The following ZNG1E variants were observed in gnomAD, a reference collection of about 807,000 sequenced individuals.
ZNG1E encodes Zn regulated GTPase metalloprotein activator 1E.
chr9:65,667,487 C>T, the ZNG1E span, among the ~76,000 whole-genome samples: 1,089 of 151,642 alleles, frequency 7.2e-3, no homozygotes, highest in African/African-American at 0.025. Context: ...CGAAGCTAAC[C>T]AGTCTAAAAT....
the ZNG1E span, among the ~76,000 whole-genome samples, chr9:65,659,459 C>T: frequency 3.3e-5 from 5 of 149,686 alleles, no homozygotes; most frequent in Admixed American, 1.3e-4. Context: ...CATGCCACTG[C>T]ACTCCATCCT....
chr9:65,718,918 T>C, the ZNG1E span, among the ~76,000 whole-genome samples: 1 of 52,700 alleles, frequency 1.9e-5, no homozygotes, highest in Non-Finnish European at 3.8e-5. Context: ...ATTCTGAGAC[T>C]TATGGGAACT....
chr9:65,686,480 C>T, the ZNG1E span, among the ~76,000 whole-genome samples: 1 of 152,312 alleles, frequency 6.6e-6, no homozygotes, highest in Non-Finnish European at 1.5e-5. Flanking sequence ...ACTAAAAATA[C>T]CAAAAATTAG....
the ZNG1E span, among the ~76,000 whole-genome samples, chr9:65,661,939 A>G: frequency 6.6e-6 from 1 of 152,276 alleles, no homozygotes; most frequent in Non-Finnish European, 1.5e-5. Flanking sequence ...AGAATAATGG[A>G]TGATCAACTG....
chr9:65,661,446 T>C, the ZNG1E span, among the ~76,000 whole-genome samples: 4 of 152,066 alleles, frequency 2.6e-5, no homozygotes. Flanking sequence ...GAGAAAGAAT[T>C]TAATTGGAAT....
chr9:65,684,540 A>G, the ZNG1E span, among the ~76,000 whole-genome samples: 21 of 141,810 alleles, frequency 1.5e-4, no homozygotes, highest in South Asian at 4.6e-4. Flanking sequence ...GTATACACAC[A>G]CACACGCACG....
chr9:65,727,370 A>T, the ZNG1E span, among the ~76,000 whole-genome samples: 1 of 146,184 alleles, frequency 6.8e-6, no homozygotes, highest in Non-Finnish European at 1.5e-5. Flanking sequence ...GGCAACAAAT[A>T]GCATGATGAA....
chr9:65,681,370 C>T, the ZNG1E span, among the ~76,000 whole-genome samples: 1 of 152,262 alleles, frequency 6.6e-6, no homozygotes, highest in East Asian at 1.9e-4. Context: ...TGTCTTTTTT[C>T]AGGGCTTAAG....
chr9:65,666,472 C>A, the ZNG1E span, among the ~76,000 whole-genome samples: 47,991 of 121,394 alleles, frequency 0.4, 4,172 homozygotes, highest in Middle Eastern at 0.53. Flanking sequence ...AATTGCCCAG[C>A]AATGTGAAAA....
At chr9:65,721,122 G>A in the ZNG1E span, among the ~76,000 whole-genome samples, 1 of 147,230 alleles carries the variant, frequency 6.8e-6, no homozygotes, top group East Asian at 1.9e-4. Context: ...CACTTACCAT[G>A]AACATTTGGA....
the ZNG1E span, among the ~76,000 whole-genome samples, chr9:65,662,002 C>G: frequency 6.6e-6 from 1 of 152,264 alleles, no homozygotes; most frequent in East Asian, 1.9e-4. Flanking sequence ...CAAAGTATCT[C>G]CCCATCAGGT....
At chr9:65,677,046 A>T in the ZNG1E span, 2 of 614,478 alleles carry the variant, frequency 3.3e-6, no homozygotes, top group South Asian at 4.5e-5. Flanking sequence ...TTTTTAAAAA[A>T]CTTTGTAGAC....
chr9:65,681,890 T>C, the ZNG1E span: 1 of 773,222 alleles, frequency 1.3e-6, no homozygotes, highest in Non-Finnish European at 2.1e-6. Flanking sequence ...GAGTTTTTAT[T>C]GCTTTTGATG....
At chr9:65,724,817 TA>T in the ZNG1E span, among the ~76,000 whole-genome samples, 3 of 100,690 alleles carry the variant, frequency 3.0e-5, no homozygotes, top group African/African-American at 4.3e-5. Flanking sequence ...TTTTGCTGTA[TA>T]TTTTATGTGG....
the ZNG1E span, among the ~76,000 whole-genome samples, chr9:65,657,652 G>A: frequency 1.3e-5 from 2 of 152,324 alleles, no homozygotes; most frequent in Non-Finnish European, 2.9e-5. Context: ...ATAGTTGCTA[G>A]CACAACAGGG....
At chr9:65,714,176 G>A in the ZNG1E span, among the ~76,000 whole-genome samples, 9 of 147,610 alleles carry the variant, frequency 6.1e-5, no homozygotes, top group South Asian at 4.3e-4. Flanking sequence ...CATTCTTCAC[G>A]TAGTTCTCGA....
chr9:65,667,287 T>C, the ZNG1E span, among the ~76,000 whole-genome samples: 3 of 152,160 alleles, frequency 2.0e-5, no homozygotes, highest in Non-Finnish European at 4.4e-5. Flanking sequence ...TTAACCACAA[T>C]TAAATTATGA....
the ZNG1E span, among the ~76,000 whole-genome samples, chr9:65,691,579 T>A: frequency 6.6e-6 from 1 of 152,264 alleles, no homozygotes; most frequent in South Asian, 2.1e-4. Context: ...ACTAAGGTTT[T>A]CTTTAAAAAA....
the ZNG1E span, among the ~76,000 whole-genome samples, chr9:65,659,404 A>G: frequency 7.9e-5 from 12 of 151,610 alleles, no homozygotes; most frequent in African/African-American, 2.7e-4. Flanking sequence ...CTGAGACAGA[A>G]GAATCACTTG....
Sources: gnomAD v4.1 joint callset for allele counts (sites outside exome capture counted in the v4.1 genomes callset) on GRCh38, gnomAD v4.1.1 for gene constraint, MANE v1.5 for transcripts, NCBI Gene and HGNC (gene_info 2026-07-23, HGNC 2026-07-21) for gene names.